The following MYO1D variants were observed in gnomAD, a reference collection of about 807,000 sequenced individuals.
The protein encoded by MYO1D is myosin ID.
MYO1D carries 83 observed loss-of-function variants against 122.0 expected under a neutral mutation model. The ratio of observed to expected loss-of-function variants is 0.68; its 90% CI spans 0.57 to 0.82. The LOEUF (loss-of-function observed/expected upper bound fraction) is 0.82. Ranked by LOEUF, MYO1D falls within the 40% of genes least tolerant of loss-of-function variation. MYO1D has a pLI of 0.00. For synonymous variants in MYO1D, 464 were observed against 446.9 expected (o/e 1.04, Z -0.48); for missense variants, 1,157 against 1,269.5 (o/e 0.91, Z 1.35).
chr17:32,547,976 G>A (rs1476559830), intron 21 of MYO1D, among the ~76,000 whole-genome samples: 2 of 151,376 alleles, frequency 1.3e-5, no homozygotes, highest in Non-Finnish European at 2.9e-5. Context: ...TCACTACGGA[G>A]AGTGGTCCAT....
At chr17:32,587,395 C>T (rs182947464) in intron 21 of MYO1D, among the ~76,000 whole-genome samples, 13 of 152,010 alleles carry the variant, frequency 8.6e-5, no homozygotes, top group Admixed American at 3.3e-4. Flanking sequence ...ACCTGTAATC[C>T]CAGCTACTCG....
At chr17:32,804,121 G>C (rs1430050169) in intron 1 of MYO1D, among the ~76,000 whole-genome samples, 1 of 152,136 alleles carries the variant, frequency 6.6e-6, no homozygotes, top group Non-Finnish European at 1.5e-5. Context: ...AAATGGCATA[G>C]TATTCGCATA....
intron 1 of MYO1D, among the ~76,000 whole-genome samples, chr17:32,818,159 CT>C (rs1007458338): frequency 3.5e-5 from 5 of 141,352 alleles, no homozygotes; most frequent in African/African-American, 5.2e-5. Flanking sequence ...GTAGTAGGTT[CT>C]TGCCCTACAA....
intron 1 of MYO1D, among the ~76,000 whole-genome samples, chr17:32,876,380 G>C (rs1173621179): frequency 6.6e-6 from 1 of 152,168 alleles, no homozygotes; most frequent in East Asian, 1.9e-4. Flanking sequence ...TAGGGCCTTC[G>C]GGGCCACCGC....
intron 21 of MYO1D, among the ~76,000 whole-genome samples, chr17:32,577,584 T>G (rs111699429): frequency 0.037 from 5,649 of 152,170 alleles, 328 homozygotes; most frequent in African/African-American, 0.13. Context: ...GGCTATCATT[T>G]AACTAACAGC....
chr17:32,504,947 A>T (rs1909447535), intron 21 of MYO1D: 1 of 152,520 alleles, frequency 6.6e-6, no homozygotes, highest in Admixed American at 6.5e-5. Context: ...TCCACTGCCG[A>T]CAGTCTCTGA....
At chr17:32,676,307 A>C (rs904587415) in intron 16 of MYO1D, among the ~76,000 whole-genome samples, 3 of 151,046 alleles carry the variant, frequency 2.0e-5, no homozygotes, top group African/African-American at 7.3e-5. Flanking sequence ...ACTTTTAAAA[A>C]TTCATTAGCT....
chr17:32,868,076 C>T (rs4077481), intron 1 of MYO1D, among the ~76,000 whole-genome samples: 4,574 of 152,018 alleles, frequency 0.03, 150 homozygotes, highest in East Asian at 0.19. Context: ...GAGTCTAAAA[C>T]GATTTCTAGA....
chr17:32,693,453 A>G (rs1395134512), intron 16 of MYO1D, among the ~76,000 whole-genome samples: 1 of 152,164 alleles, frequency 6.6e-6, no homozygotes, highest in Non-Finnish European at 1.5e-5. Context: ...GTGGGGGCTC[A>G]ATTGAAAGGT....
chr17:32,678,256 T>TC (rs2088852417), intron 16 of MYO1D, among the ~76,000 whole-genome samples: 1 of 147,586 alleles, frequency 6.8e-6, no homozygotes, highest in Non-Finnish European at 1.5e-5. Context: ...ATATATTTCT[T>TC]TTTTTTTTTC....
intron 1 of MYO1D, among the ~76,000 whole-genome samples, chr17:32,798,364 CACT>C (rs1371605588): frequency 6.6e-6 from 1 of 152,176 alleles, no homozygotes; most frequent in African/African-American, 2.4e-5. Context: ...CTATATTCTG[CACT>C]ATCCTTATAC....
At chr17:32,574,947 T>C (rs2087265352) in intron 21 of MYO1D, among the ~76,000 whole-genome samples, 1 of 152,190 alleles carries the variant, frequency 6.6e-6, no homozygotes, top group Non-Finnish European at 1.5e-5. Context: ...ATATGTAAAA[T>C]GAGGATAAAT....
chr17:32,557,870 A>G (rs1279344360), intron 21 of MYO1D, among the ~76,000 whole-genome samples: 1 of 152,062 alleles, frequency 6.6e-6, no homozygotes, highest in Non-Finnish European at 1.5e-5. Context: ...ATGGGAACAC[A>G]GCCACGCTCA....
intron 21 of MYO1D, among the ~76,000 whole-genome samples, chr17:32,536,540 G>C (rs1341951883): frequency 6.6e-6 from 1 of 152,148 alleles, no homozygotes; most frequent in Admixed American, 6.5e-5. Context: ...AAATATGGCT[G>C]TTTGGCTTAT....
At chr17:32,673,437 C>T (rs953083951) in intron 16 of MYO1D, among the ~76,000 whole-genome samples, 1 of 151,990 alleles carries the variant, frequency 6.6e-6, no homozygotes, top group African/African-American at 2.4e-5. Flanking sequence ...AGAATGAAAT[C>T]ACAGTTTGGG....
At chr17:32,546,343 C>G (rs2086964641) in intron 21 of MYO1D, among the ~76,000 whole-genome samples, 1 of 152,210 alleles carries the variant, frequency 6.6e-6, no homozygotes, top group Admixed American at 6.5e-5. Context: ...TGGAAACCAT[C>G]CCTCTGCGAG....
At chr17:32,710,506 A>G (rs1369349609) in intron 16 of MYO1D, among the ~76,000 whole-genome samples, 1 of 152,216 alleles carries the variant, frequency 6.6e-6, no homozygotes, top group African/African-American at 2.4e-5. Flanking sequence ...GAAAATACAG[A>G]ATATCTTTGT....
chr17:32,703,002 A>G (rs188773130), intron 16 of MYO1D, among the ~76,000 whole-genome samples: 3 of 152,374 alleles, frequency 2.0e-5, no homozygotes. Context: ...TAAGTTACCT[A>G]CAAATTGCTC....
intron 21 of MYO1D, among the ~76,000 whole-genome samples, chr17:32,551,118 ATAAC>A (rs2087011735): frequency 6.6e-6 from 1 of 152,236 alleles, no homozygotes; most frequent in Non-Finnish European, 1.5e-5. Flanking sequence ...TTTATTCACT[ATAAC>A]TAAACATTGA....
Sources: allele counts gnomAD v4.1 joint callset (sites outside exome capture counted in the v4.1 genomes callset), GRCh38; gene constraint gnomAD v4.1.1; transcripts MANE v1.5; gene names NCBI Gene and HGNC (gene_info 2026-07-23, HGNC 2026-07-21).